CDH18: variants seen among roughly 807,000 people sequenced by gnomAD.
CDH18 encodes the protein cadherin-18.
Under a neutral mutation model 67.9 loss-of-function variants are expected in CDH18, and 31 were observed. The observed-to-expected ratio is 0.46, with a 90% confidence interval of 0.34 to 0.62. CDH18 has a LOEUF of 0.62. Among genes scored for constraint, CDH18 ranks in the 20% least tolerant of loss-of-function variants. CDH18 has a pLI of 0.01. For synonymous variants in CDH18, 362 were observed against 347.2 expected (o/e 1.04, Z -0.48); for missense variants, 890 against 975.5 (o/e 0.91, Z 1.17).
At chr5:20,362,276 T>C (rs527878339) in intron 1 of CDH18, among the ~76,000 whole-genome samples, 1 of 152,254 alleles carries the variant, frequency 6.6e-6, no homozygotes, top group South Asian at 2.1e-4. Flanking sequence ...GCACAGCTTC[T>C]AATGCAAAAT....
intron 1 of CDH18, among the ~76,000 whole-genome samples, chr5:20,493,298 G>A (rs564012379): frequency 1.6e-5 from 2 of 127,526 alleles, no homozygotes; most frequent in African/African-American, 5.9e-5. Context: ...GCAGTGAGCC[G>A]AGATCATGCA....
intron 7 of CDH18, among the ~76,000 whole-genome samples, chr5:19,588,574 G>A (rs879827352): frequency 6.6e-6 from 1 of 151,844 alleles, no homozygotes; most frequent in African/African-American, 2.4e-5. Context: ...AATGTAAATA[G>A]GCTAAACCCC....
At chr5:19,635,121 GAAA>G (rs1291431251) in intron 5 of CDH18, among the ~76,000 whole-genome samples, 1 of 152,032 alleles carries the variant, frequency 6.6e-6, no homozygotes, top group Non-Finnish European at 1.5e-5. Flanking sequence ...CAAAGACAAA[GAAA>G]ATCAAATACT....
In CDH18 at chr5:20,443,622, G is replaced by A. The variant is rs183060416; in HGVS notation, c.-580+131840C>T. ...GCACACATTAGGTTATTCTTTATGA[G>A]TAACTAATAGCAGAAAATGTGGATA... is the stretch of plus-strand genomic sequence containing the variant. On this transcript the variant is annotated intron_variant, in intron 1 of 14. Transcript: ENST00000507958. Among the ~76,000 whole-genome samples, 220 of 152,054 alleles carry A rather than the reference G, an allele frequency of 1.4e-3. 5 individuals carry two copies. Among genetic ancestry groups the A allele is most frequent in the African/African-American group, 5.2e-3 (214 of 41,324 alleles).
At chr5:20,147,687 A>G (rs1580347190) in intron 2 of CDH18, among the ~76,000 whole-genome samples, 2 of 152,180 alleles carry the variant, frequency 1.3e-5, no homozygotes, top group South Asian at 2.1e-4. Flanking sequence ...TAAGCCCCCA[A>G]AGTTGAAACC....
chr5:20,440,479 C>T (rs1749525492), intron 1 of CDH18, among the ~76,000 whole-genome samples: 1 of 151,684 alleles, frequency 6.6e-6, no homozygotes, highest in South Asian at 2.1e-4. Flanking sequence ...ATAGGTCCTC[C>T]GTTTGATGAG....
At chr5:19,757,085 A>C (rs1771703294) in intron 3 of CDH18, among the ~76,000 whole-genome samples, 1 of 152,204 alleles carries the variant, frequency 6.6e-6, no homozygotes, top group Non-Finnish European at 1.5e-5. Flanking sequence ...AGACCAGTTA[A>C]TTCCATGAGG....
chr5:20,056,680 C>CTTATTTTTTTT (rs1742003853), intron 2 of CDH18, among the ~76,000 whole-genome samples: 1 of 70,022 alleles, frequency 1.4e-5, no homozygotes, highest in Non-Finnish European at 2.6e-5. Flanking sequence ...TCTATATTCT[C>CTTATTTTTTTT]TTTTTTTTTT....
intron 7 of CDH18, among the ~76,000 whole-genome samples, chr5:19,584,712 C>T (rs966684761): frequency 1.1e-4 from 14 of 129,328 alleles, no homozygotes; most frequent in African/African-American, 2.9e-4. Flanking sequence ...GTTTGGGAGG[C>T]GGAAGCTGGC....
At chr5:19,962,084 T>C (rs1240827171) in intron 2 of CDH18, among the ~76,000 whole-genome samples, 1 of 151,948 alleles carries the variant, frequency 6.6e-6, no homozygotes, top group Non-Finnish European at 1.5e-5. Flanking sequence ...TTTGAAGAAA[T>C]AGAGTTTTAA....
At chr5:20,513,647 T>A (rs1755180061) in intron 1 of CDH18, among the ~76,000 whole-genome samples, 2 of 152,338 alleles carry the variant, frequency 1.3e-5, no homozygotes, top group African/African-American at 4.8e-5. Flanking sequence ...ACTATAAATG[T>A]ATTTATACAC....
chr5:20,464,331 T>A (rs534964413), intron 1 of CDH18, among the ~76,000 whole-genome samples: 1 of 152,308 alleles, frequency 6.6e-6, no homozygotes, highest in South Asian at 2.1e-4. Flanking sequence ...AGTGAGGAAG[T>A]ACGTGTGAAT....
intron 1 of CDH18, among the ~76,000 whole-genome samples, chr5:20,539,593 A>G (rs1434301103): frequency 6.6e-6 from 1 of 152,170 alleles, no homozygotes; most frequent in East Asian, 1.9e-4. Context: ...CATTTGAGAA[A>G]GAGGTAGAAG....
At chr5:19,818,389 T>C (rs1002690949) in intron 3 of CDH18, among the ~76,000 whole-genome samples, 1 of 152,140 alleles carries the variant, frequency 6.6e-6, no homozygotes, top group Non-Finnish European at 1.5e-5. Flanking sequence ...TACTCTTATT[T>C]ACAACATGAT....
chr5:20,337,165 G>A (rs527722617), intron 1 of CDH18, among the ~76,000 whole-genome samples: 1 of 152,180 alleles, frequency 6.6e-6, no homozygotes, highest in Admixed American at 6.5e-5. Context: ...TGTGGTGTCT[G>A]TGTGGCACAG....
intron 11 of CDH18, among the ~76,000 whole-genome samples, chr5:19,494,949 A>C (rs551150888): frequency 8.5e-5 from 13 of 152,312 alleles, no homozygotes; most frequent in Non-Finnish European, 1.3e-4. Flanking sequence ...CCCTTTTCAG[A>C]TGGCTACTAA....
intron 5 of CDH18, among the ~76,000 whole-genome samples, chr5:19,628,526 C>T (rs143270230): frequency 1.5e-4 from 23 of 151,968 alleles, no homozygotes; most frequent in African/African-American, 3.6e-4. Flanking sequence ...TATATGTTGA[C>T]GGTAGGGTTT....
At chr5:19,616,479 A>G (rs1221893648) in intron 5 of CDH18, among the ~76,000 whole-genome samples, 3 of 152,188 alleles carry the variant, frequency 2.0e-5, no homozygotes, top group Non-Finnish European at 4.4e-5. Context: ...TCCTAGCTTA[A>G]CTATTGCAAT....
chr5:20,198,730 T>C (rs1428627337), intron 2 of CDH18, among the ~76,000 whole-genome samples: 1 of 152,056 alleles, frequency 6.6e-6, no homozygotes, highest in Non-Finnish European at 1.5e-5. Context: ...CCCCCACCCA[T>C]GACAGGCCTG....
Sources: allele counts gnomAD v4.1 joint callset (sites outside exome capture counted in the v4.1 genomes callset), GRCh38; gene constraint gnomAD v4.1.1; transcripts MANE v1.5; gene names NCBI Gene and HGNC (gene_info 2026-07-23, HGNC 2026-07-21).